The following UPF3A variants were observed in gnomAD, a reference collection of about 807,000 sequenced individuals.
UPF3A encodes the protein UPF3A regulator of nonsense mediated mRNA decay, also known as regulator of nonsense transcripts 3A.
In UPF3A, 42 loss-of-function variants were observed where a neutral mutation model predicts 53.5. That is an observed-to-expected ratio of 0.78 (90% CI 0.61 to 1.01). The LOEUF is 1.01. Ranked by LOEUF, UPF3A falls within the 50% of genes least tolerant of loss-of-function variation. UPF3A has a pLI of 0.00. For missense variants in UPF3A, 575 were observed against 598.0 expected (o/e 0.96, Z 0.40); for synonymous variants, 237 against 225.3 (o/e 1.05, Z -0.47).
chr13:114,283,214 C>CCCTGCCCCCTTAGAACCTGGGTT, intron 3 of UPF3A: 1 of 282,410 alleles, frequency 3.5e-6, no homozygotes, highest in South Asian at 3.6e-5. Flanking sequence ...AGACGGGGGT[C>CCCTGCCCCCTTAGAACCTGGGTT]TCACTGTGTT....
In UPF3A at chr13:114,286,383, C is replaced by G. The variant is rs1285832031; in HGVS notation, c.503C>G (p.Thr168Ser). The G allele has an allele frequency of 6.2e-7, 1 of 1,614,200 alleles. No homozygotes were observed. The highest frequency in any genetic ancestry group is 2.2e-5 in the East Asian group (1 of 44,890). ...AAGCTGAGAAAAAAAGATGCCAAGA[C>G]TGGAAGCATCGAAGATGGTGAGCCC... ...KKKLRKKDAK[T>S]GSIEDDPEYK... is the part of the protein sequence containing the mutation. The change falls in exon 4 of 10, where the codon ACT becomes AGT. Residue 168 changes from threonine to serine, a missense_variant. Transcript: ENST00000375299.
chr13:114,296,167 G>A lies in UPF3A; in HGVS notation c.847-2673G>A, dbSNP rs935801664. 8.5e-5 allele frequency among the ~76,000 whole-genome samples: 13 copies of A among 152,308 alleles called. No individual in the cohort carries two copies. The East Asian group carries it at 1.4e-3, about 16-fold the overall frequency. ...TGGGGGGCCAAGGCAGGTGGATCCCGAGGTCAGGAGTTTGAGACCAGCCTG... is the reference window on the plus strand; with the variant it reads ...TGGGGGGCCAAGGCAGGTGGATCCCAAGGTCAGGAGTTTGAGACCAGCCTG... On this transcript the variant is annotated intron_variant, in intron 7 of 9. Coordinates refer to ENST00000375299, the MANE Select transcript of UPF3A (RefSeq NM_023011.4).
At position 114,304,989 on chromosome 13, in the gene UPF3A, A is replaced by T. The variant is rs2086912472; in HGVS notation, c.*72A>T. The T allele has an allele frequency of 3.2e-6, 5 of 1,542,360 alleles. No individual in the cohort carries two copies. The highest frequency in any genetic ancestry group is 4.4e-6 in the Non-Finnish European group (5 of 1,139,222). On this transcript the variant is annotated 3_prime_UTR_variant, in exon 10 of 10. Transcript: ENST00000375299. ...AAACGTGTAAATGACCCCGAGTGTG[A>T]CTGGGAAGGAGAACTTATTCCTTAC...
intron 3 of UPF3A, among the ~76,000 whole-genome samples, chr13:114,284,274 A>G (rs893366850): frequency 3.3e-5 from 5 of 152,064 alleles, no homozygotes; most frequent in Non-Finnish European, 7.4e-5. Flanking sequence ...AGACAGGAGA[A>G]TTGCTTGAAC....
intron 5 of UPF3A, among the ~76,000 whole-genome samples, chr13:114,290,275 G>C (rs1309908302): frequency 6.6e-6 from 1 of 152,170 alleles, no homozygotes. Flanking sequence ...TCTGGGACAG[G>C]TGCCATTTCA....
At chr13:114,295,999 C>T (rs78645859) in intron 7 of UPF3A, among the ~76,000 whole-genome samples, 1,581 of 152,276 alleles carry the variant, frequency 0.01, 28 homozygotes, top group African/African-American at 0.035. Flanking sequence ...CCCTAGCCTC[C>T]GAGAGGGCAG....
chr13:114,304,742 T>C (rs1384213505), intron 9 of UPF3A, 47 bp from the exon 10 acceptor site: 2 of 1,602,426 alleles, frequency 1.2e-6, no homozygotes, highest in South Asian at 2.2e-5. Flanking sequence ...TTGACCCTTC[T>C]GTGTTGCTAC....
chr13:114,304,061 G>A (rs947861971), intron 9 of UPF3A, among the ~76,000 whole-genome samples: 2 of 152,368 alleles, frequency 1.3e-5, no homozygotes, highest in East Asian at 1.9e-4. Context: ...GGCTGTTGGA[G>A]GCTAAGGCTG....
chr13:114,298,647 T>C (rs565726368), intron 7 of UPF3A, among the ~76,000 whole-genome samples, 193 bp from the exon 8 acceptor site: 186 of 152,304 alleles, frequency 1.2e-3, no homozygotes, highest in Middle Eastern at 0.01. Context: ...TTTTCATGAC[T>C]AAAAAATATT....
chr13:114,305,022 C>T lies in UPF3A; in HGVS notation c.*105C>T. ...GGAGAACTTATTCCTTACCAGGAAA[C>T]TGGAAGCTAAAAATACAGAGGGTGA... On this transcript the variant is annotated 3_prime_UTR_variant, in exon 10 of 10. Transcript: ENST00000375299. 1 of 1,425,016 alleles carries T rather than the reference C, an allele frequency of 7.0e-7. No homozygotes were observed. The highest frequency in any genetic ancestry group is 9.6e-7 in the Non-Finnish European group (1 of 1,038,164). 88.3% of individuals were successfully genotyped at this position (1,425,016 alleles called of 1,614,324 possible).
chr13:114,288,875 TGAA>T (rs1053097529), intron 5 of UPF3A, among the ~76,000 whole-genome samples: 1 of 152,108 alleles, frequency 6.6e-6, no homozygotes, highest in African/African-American at 2.4e-5. Context: ...CTTGATAAAT[TGAA>T]GAAGAGCTAG....
At chr13:114,294,847 T>G (rs1337278900) in intron 7 of UPF3A, among the ~76,000 whole-genome samples, 1 of 141,426 alleles carries the variant, frequency 7.1e-6, no homozygotes, top group Admixed American at 7.2e-5. Context: ...CCGCGGTGGC[T>G]CACACCTGTA....
At chr13:114,290,330 A>G (rs1490464853) in intron 5 of UPF3A, among the ~76,000 whole-genome samples, 1 of 152,090 alleles carries the variant, frequency 6.6e-6, no homozygotes, top group Non-Finnish European at 1.5e-5. Context: ...CAAGTGATGG[A>G]TCCCTGGCCA....
chr13:114,302,047 A>C, intron 9 of UPF3A, 22 bp downstream of exon 9: 1 of 1,503,660 alleles, frequency 6.7e-7, no homozygotes, highest in East Asian at 2.3e-5. Context: ...ACCCAAAAAG[A>C]AAAATGTGTC....
In UPF3A at chr13:114,281,682, G is replaced by A; in HGVS notation, c.43G>A (p.Val15Ile). The A allele has an allele frequency of 3.9e-6, 6 of 1,533,830 alleles. No homozygotes were observed. The highest frequency in any genetic ancestry group is 1.4e-5 in the African/African-American group (1 of 71,596). Residue 15 changes from valine (V) to isoleucine (I), a missense_variant, in exon 1 of 10, where the codon GTT becomes ATT. Val to Ile is a conservative substitution (Grantham distance 29). Around this residue, in one of 2 missense-constraint regions of UPF3A, gnomAD observed 252 missense variants for 182.7 expected, o/e 1.38. Transcript: ENST00000375299. The part of the protein sequence containing the change: ...KEGAGGLRAA[V>I]AARGPSGREK... ...GGGGGCCGGAGGCCTTCGGGCGGCC[G>A]TTGCCGCGCGGGGCCCGAGCGGGAG...
At chr13:114,292,707 T>C (rs1461003977) in intron 7 of UPF3A, among the ~76,000 whole-genome samples, 4 of 152,170 alleles carry the variant, frequency 2.6e-5, no homozygotes, top group Admixed American at 2.0e-4. Flanking sequence ...CACTGGGGTT[T>C]GGTGTGCAGA....
chr13:114,283,853 T>C, intron 3 of UPF3A: 2 of 985,474 alleles, frequency 2.0e-6, no homozygotes, highest in South Asian at 9.4e-5. Context: ...TTTTCTGCCC[T>C]CCCCTCCCCA....
At position 114,294,517 on chromosome 13, in the gene UPF3A, G is replaced by A. The variant is rs1166741860; in HGVS notation, c.846+2725G>A. 5.3e-5 allele frequency among the ~76,000 whole-genome samples: 8 copies of A among 152,300 alleles called. No homozygotes were observed. In the East Asian group the frequency reaches 1.5e-3, roughly 29 times the overall value. ...GGGCTGAAGTGATCCTCCCACTGCT[G>A]GGGTTAGAGGCATGAGCCACCGTGC... On this transcript the variant is annotated intron_variant, in intron 7 of 9. Coordinates refer to ENST00000375299, the MANE Select transcript of UPF3A (RefSeq NM_023011.4).
chr13:114,283,780 C>T, intron 3 of UPF3A: 3 of 985,600 alleles, frequency 3.0e-6, no homozygotes, highest in Non-Finnish European at 3.6e-6. Flanking sequence ...TTCTCTTCTC[C>T]TGTCAGGCTG....
Sources: gnomAD v4.1 joint callset for allele counts (sites outside exome capture counted in the v4.1 genomes callset) on GRCh38, gnomAD v4.1.1 for gene constraint, gnomAD v4.1.1 regional missense constraint, MANE v1.5 for transcripts, NCBI Gene and HGNC (gene_info 2026-07-23, HGNC 2026-07-21) for gene names.